RGL3: variants seen among roughly 807,000 people sequenced by gnomAD.
RGL3 encodes the protein ral guanine nucleotide dissociation stimulator like 3, also known as ral guanine nucleotide dissociation stimulator-like 3.
A neutral mutation model predicts 90.6 loss-of-function variants in RGL3; 85 were observed. The ratio of observed to expected loss-of-function variants is 0.94; its 90% CI spans 0.79 to 1.12. The LOEUF is 1.12. Among genes scored for constraint, RGL3 ranks in the 50% most tolerant of loss-of-function variants. The pLI is 0.00. For missense variants in RGL3, 1,034 were observed against 939.2 expected (o/e 1.10, Z -1.32); for synonymous variants, 408 against 385.5 (o/e 1.06, Z -0.68).
chr19:11,406,282 A>G, intron 7 of RGL3, 137 bp downstream of exon 7: 1 of 861,664 alleles, frequency 1.2e-6, no homozygotes, highest in African/African-American at 1.7e-5. Context: ...CCTGAACCCA[A>G]GTCTCACCCT....
rs200937561 is a variant in RGL3, at chr19:11,394,392, C to T, written c.*10G>A. On this transcript the variant is annotated 3_prime_UTR_variant, in exon 19 of 19. Coordinates refer to ENST00000380456, the MANE Select transcript of RGL3 (RefSeq NM_001035223.4). ...TGGGACTTGTGTCTTGTGGAGAGGA[C>T]AGGGCTGCCTCAGCTTGGGGAGACA... 15 of 1,603,412 alleles carry T rather than the reference C, an allele frequency of 9.4e-6. No individual in the cohort carries two copies. In the East Asian group the frequency reaches 3.1e-4, roughly 33 times the overall value.
intron 18 of RGL3, among the ~76,000 whole-genome samples, chr19:11,396,134 C>CTATATATA (rs1568334074): frequency 4.7e-4 from 14 of 29,476 alleles, no homozygotes; most frequent in Non-Finnish European, 5.9e-4. Flanking sequence ...CTCTCTCTCT[C>CTATATATA]TCTATATATA....
At chr19:11,405,492 ATCTT>A in intron 7 of RGL3, 66 bp from the exon 8 acceptor site, 26 of 132,434 alleles carry the variant, frequency 2.0e-4, no homozygotes, top group Admixed American at 2.9e-4. Context: ...AAACTTCTTC[ATCTT>A]TTTTTTTTTT....
chr19:11,397,132 GCACCTCA>G, intron 18 of RGL3, 105 bp downstream of exon 18: 1 of 803,274 alleles, frequency 1.2e-6, no homozygotes, highest in East Asian at 2.5e-5. Context: ...TCTGCCTGAA[GCACCTCA>G]CAGCCCTGTG....
intron 18 of RGL3, among the ~76,000 whole-genome samples, chr19:11,396,128 C>A (rs1473797899): frequency 4.5e-3 from 244 of 54,790 alleles, no homozygotes; most frequent in Middle Eastern, 6.9e-3. Flanking sequence ...CTCTCTCTCT[C>A]TCTCTCTCTA....
At chr19:11,417,456 A>G (rs1295919540) in intron 2 of RGL3, among the ~76,000 whole-genome samples, 9 of 140,818 alleles carry the variant, frequency 6.4e-5, no homozygotes, top group Non-Finnish European at 1.5e-5. Context: ...CACCGTGCCC[A>G]GCCCCTAGCA....
rs1568341447 is a variant in RGL3, at chr19:11,414,153, A to ATATATATATATATATACACACC, written c.637+1783_637+1784insGGTGTGTATATATATATATATA. Among the ~76,000 whole-genome samples the ATATATATATATATATACACACC allele has an allele frequency of 3.6e-3, 302 of 84,974 alleles. 3 individuals carry two copies. The highest frequency in any genetic ancestry group is 5.5e-3 in the Non-Finnish European group (242 of 43,932). 55.7% of individuals were successfully genotyped at this position (84,974 alleles called of 152,430 possible). On this transcript the variant is annotated intron_variant, in intron 5 of 18. Transcript: ENST00000380456. ...AGAAATCATATATATATATATATAT[A>ATATATATATATATATACACACC]TATATATATATATATATATATATAC... is the stretch of plus-strand genomic sequence containing the variant.
chr19:11,414,646 T>G (rs55680106), intron 5 of RGL3, among the ~76,000 whole-genome samples: 12,551 of 149,432 alleles, frequency 0.084, 620 homozygotes, highest in African/African-American at 0.13. Flanking sequence ...CGATGGGGAT[T>G]AGGGATAGAG....
At chr19:11,408,044 T>A (rs1156549594) in intron 5 of RGL3, among the ~76,000 whole-genome samples, 1 of 152,154 alleles carries the variant, frequency 6.6e-6, no homozygotes, top group Non-Finnish European at 1.5e-5. Context: ...CACAGTTCAC[T>A]GCAGCCTCAA....
intron 3 of RGL3, 63 bp downstream of exon 3, chr19:11,416,773 G>C (rs1324060312): frequency 6.3e-7 from 1 of 1,598,102 alleles, no homozygotes; most frequent in Non-Finnish European, 8.6e-7. Flanking sequence ...CTGAGGAGGT[G>C]GAGGGGGGTG....
chr19:11,406,369 C>G, intron 7 of RGL3, 50 bp downstream of exon 7: 2 of 1,497,332 alleles, frequency 1.3e-6, no homozygotes, highest in Non-Finnish European at 1.8e-6. Flanking sequence ...CATTTTTTCC[C>G]CTTGCCCCAG....
chr19:11,409,500 A>T (rs1241708765), intron 5 of RGL3, among the ~76,000 whole-genome samples: 1 of 151,990 alleles, frequency 6.6e-6, no homozygotes, highest in Non-Finnish European at 1.5e-5. Flanking sequence ...AACAAAACAA[A>T]ACAAACAAAC....
intron 5 of RGL3, among the ~76,000 whole-genome samples, chr19:11,407,225 A>G (rs1198769072): frequency 2.0e-5 from 3 of 152,012 alleles, no homozygotes; most frequent in African/African-American, 7.2e-5. Flanking sequence ...ACCTCAAGTG[A>G]TCTGCCCGCC....
intron 5 of RGL3, chr19:11,411,355 T>G (rs181229061): frequency 8.5e-5 from 13 of 152,080 alleles, no homozygotes; most frequent in African/African-American, 2.4e-4. Context: ...CACGGCAGCT[T>G]TGATTTCCCG....
Position 11,406,593 on chromosome 19 carries a change from G to A in RGL3, c.822C>T (p.Ser274=), listed in dbSNP as rs1367914260. The A allele has an allele frequency of 1.3e-6, 2 of 1,553,046 alleles. No homozygotes were observed. Among genetic ancestry groups the A allele is most frequent in the Admixed American group, 2.0e-5 (1 of 51,120 alleles). ...CCGGCCGGTCCCTCTGCGACCACAC[G>A]GAGCCCAAGCACTCGTAGAGCCTCA... is the stretch of plus-strand genomic sequence containing the variant. ...SKVRLYECLG[S]VWSQRDRPGA... Residue 274 remains serine, a synonymous_variant, in exon 7 of 19, where the codon TCC becomes TCT. Coordinates refer to ENST00000380456, the MANE Select transcript of RGL3 (RefSeq NM_001035223.4).
At position 11,412,054 on chromosome 19, in the gene RGL3, C is replaced by T. The variant is rs772153805; in HGVS notation, c.637+3883G>A. 8.6e-5 allele frequency among the ~76,000 whole-genome samples: 13 copies of T among 151,960 alleles called. No homozygotes were observed. In the East Asian group the frequency reaches 1.7e-3, roughly 20 times the overall value. On this transcript the variant is annotated intron_variant, in intron 5 of 18. Transcript: ENST00000380456. Reference sequence around the variant, plus strand: ...CAACACTTTGGGAGGCCAAGGTGGGCGGATCACCTGAGGTCAGGAGTTCGA... The same window carrying T: ...CAACACTTTGGGAGGCCAAGGTGGGTGGATCACCTGAGGTCAGGAGTTCGA...
Position 11,418,758 on chromosome 19 carries a change from C to A in RGL3, c.60G>T (p.Glu20Asp). 1 of 1,569,402 alleles carries A rather than the reference C, an allele frequency of 6.4e-7. No individual in the cohort carries two copies. Among genetic ancestry groups the A allele is most frequent in the East Asian group, 2.3e-5 (1 of 43,238 alleles). ...ALAPLQDWGE[E>D]TEDGAVYSVS... The stretch of plus-strand genomic sequence containing the variant: ...CACTGTACACCGCGCCGTCCTCGGT[C>A]TCTTCACCCCAGTCCTGCAGCGGTG... The change falls in exon 2 of 19, where the codon GAG (glutamate) becomes GAT (aspartate). Residue 20 changes from glutamate to aspartate, a missense_variant. By Grantham distance (45) the Glu-to-Asp change is conservative. Transcript: ENST00000380456.
chr19:11,417,766 C>A (rs992484771), intron 2 of RGL3, among the ~76,000 whole-genome samples: 2 of 152,032 alleles, frequency 1.3e-5, no homozygotes, highest in African/African-American at 4.8e-5. Context: ...CACCTCGCCC[C>A]GCCTGTAGCA....
Position 11,402,229 on chromosome 19 carries a change from C to T in RGL3, c.1348G>A (p.Glu450Lys). ...DMLEGDLINF[E>K]KRRKEWEILA... ...CCTCCACTCACCTTCCTCCTCTTCT[C>T]AAAGTTAATGAGATCCCCCTGGGGG... The change falls in exon 12 of 19, where the codon GAG becomes AAG. Residue 450 changes from glutamate (E) to lysine (K), a missense_variant. By Grantham distance (56) the Glu-to-Lys change is moderately conservative. Transcript: ENST00000380456. 1.2e-6 allele frequency: 2 copies of T among 1,613,504 alleles called. No homozygotes were observed. The highest frequency in any genetic ancestry group is 1.7e-6 in the Non-Finnish European group (2 of 1,179,964).
Sources: allele counts gnomAD v4.1 joint callset (sites outside exome capture counted in the v4.1 genomes callset), GRCh38; gene constraint gnomAD v4.1.1; transcripts MANE v1.5; gene names NCBI Gene and HGNC (gene_info 2026-07-23, HGNC 2026-07-21).